MTR: variants seen among roughly 807,000 people sequenced by gnomAD.
MTR encodes the protein 5-methyltetrahydrofolate-homocysteine methyltransferase, also known as methionine synthase.
In MTR, 84 loss-of-function variants were observed where a neutral mutation model predicts 154.8. The observed-to-expected ratio is 0.54, with a 90% CI of 0.45 to 0.65. MTR has a LOEUF of 0.65. Ranked by LOEUF, MTR falls within the 30% of genes least tolerant of loss-of-function variation. MTR has a pLI of 0.00. For missense variants in MTR, 1,275 were observed against 1,570.2 expected (o/e 0.81, Z 3.18); for synonymous variants, 554 against 553.9 (o/e 1.00, Z 0.00).
At chr1:236,891,979 C>A (rs551756979) in intron 29 of MTR, among the ~76,000 whole-genome samples, 27 of 152,156 alleles carry the variant, frequency 1.8e-4, no homozygotes, top group Middle Eastern at 3.4e-3. Flanking sequence ...TTTCGAGTGA[C>A]GAGAACAGAC....
chr1:236,815,524 G>A (rs1227811975), intron 6 of MTR, 80 bp from the exon 7 acceptor site: 2 of 1,363,502 alleles, frequency 1.5e-6, no homozygotes, highest in East Asian at 2.3e-5. Flanking sequence ...CTTAGAAAAG[G>A]GTGCATTCTA....
At chr1:236,808,349 T>C (rs1331402788) in intron 3 of MTR, among the ~76,000 whole-genome samples, 1 of 152,168 alleles carries the variant, frequency 6.6e-6, no homozygotes, top group Non-Finnish European at 1.5e-5. Flanking sequence ...CCTGCGTGTT[T>C]TGCCTCTTAA....
intron 1 of MTR, among the ~76,000 whole-genome samples, chr1:236,796,887 A>G (rs1326720257): frequency 6.6e-6 from 1 of 152,098 alleles, no homozygotes; most frequent in Non-Finnish European, 1.5e-5. Flanking sequence ...TCTTTTACTC[A>G]TGATTTCTGG....
At chr1:236,827,014 T>A in intron 11 of MTR, 118 bp downstream of exon 11, 1 of 895,316 alleles carries the variant, frequency 1.1e-6, no homozygotes, top group Non-Finnish European at 1.8e-6. Flanking sequence ...ATGTTGAAGT[T>A]CTAACCCCTA....
At chr1:236,890,213 C>T (rs1462706002) in intron 28 of MTR, among the ~76,000 whole-genome samples, 2 of 152,096 alleles carry the variant, frequency 1.3e-5, no homozygotes, top group Non-Finnish European at 2.9e-5. Context: ...TAGTCAGGAA[C>T]GTGGTGATGA....
intron 20 of MTR, 133 bp from the exon 21 acceptor site, chr1:236,862,103 G>T: frequency 3.8e-6 from 3 of 781,376 alleles, no homozygotes; most frequent in Non-Finnish European, 7.0e-6. Context: ...TCTGCCTACT[G>T]TCAAAAGACT....
At chr1:236,881,688 G>T (rs930456939) in intron 25 of MTR, among the ~76,000 whole-genome samples, 1 of 152,072 alleles carries the variant, frequency 6.6e-6, no homozygotes, top group Non-Finnish European at 1.5e-5. Context: ...CCTGGACTAG[G>T]GTGACCGCAT....
chr1:236,829,373 G>A (rs1662480639), intron 12 of MTR, 105 bp downstream of exon 12: 4 of 940,690 alleles, frequency 4.3e-6, no homozygotes, highest in South Asian at 1.3e-5. Context: ...TTATTAGGTC[G>A]AAGAAGAATC....
At chr1:236,808,621 CTG>C (rs1288776183) in intron 3 of MTR, 81 bp from the exon 4 acceptor site, 3 of 1,340,206 alleles carry the variant, frequency 2.2e-6, no homozygotes, top group Non-Finnish European at 3.2e-6. Context: ...CTGAAGAAAA[CTG>C]AGTATTAGAT....
chr1:236,855,047 A>C (rs1289419184), intron 18 of MTR, among the ~76,000 whole-genome samples: 1 of 152,190 alleles, frequency 6.6e-6, no homozygotes, highest in Non-Finnish European at 1.5e-5. Flanking sequence ...ATTAATAACC[A>C]AAACAGGTAT....
At chr1:236,825,830 C>G (rs953572081) in intron 10 of MTR, among the ~76,000 whole-genome samples, 7 of 152,220 alleles carry the variant, frequency 4.6e-5, no homozygotes, top group Admixed American at 2.0e-4. Flanking sequence ...ACCATACTAT[C>G]CACTGCTGCT....
chr1:236,839,304 C>T (rs546225264), intron 15 of MTR, among the ~76,000 whole-genome samples: 4 of 152,082 alleles, frequency 2.6e-5, no homozygotes, highest in South Asian at 4.1e-4. Context: ...ATTCCTAATA[C>T]GCAAAGAGTT....
chr1:236,803,646 A>G lies in MTR; in HGVS notation c.249+4A>G, dbSNP rs1355363519. ...TGTCATTTACCAAATCCATAAGGTA[A>G]AGTATTCCCAGGTTCCCATGTGTAT... On this transcript the variant is annotated splice_donor_region_variant and intron_variant, in intron 2 of 32. Coordinates refer to ENST00000366577, the MANE Select transcript of MTR (RefSeq NM_000254.3). 1.2e-6 allele frequency: 2 copies of G among 1,612,596 alleles called. No individual in the cohort carries two copies. The highest frequency in any genetic ancestry group is 1.3e-5 in the African/African-American group (1 of 75,048).
intron 32 of MTR, among the ~76,000 whole-genome samples, chr1:236,897,323 C>CACACACACACACAG: frequency 6.8e-6 from 1 of 146,416 alleles, no homozygotes; most frequent in Admixed American, 6.7e-5. Context: ...CACACACACA[C>CACACACACACACAG]ACACACACAC....
At chr1:236,850,624 G>A in intron 16 of MTR, 101 bp downstream of exon 16, 1 of 1,078,978 alleles carries the variant, frequency 9.3e-7, no homozygotes, top group African/African-American at 1.6e-5. Context: ...CTGATGAAAT[G>A]TTAACATTCT....
chr1:236,819,808 T>A, intron 8 of MTR: 4 of 761,692 alleles, frequency 5.3e-6, no homozygotes, highest in Non-Finnish European at 9.6e-6. Flanking sequence ...TGGGAGAAGC[T>A]ACAGCTGGCG....
chr1:236,825,137 G>C (rs372386864), intron 9 of MTR, among the ~76,000 whole-genome samples: 1 of 63,344 alleles, frequency 1.6e-5, no homozygotes, highest in Non-Finnish European at 3.2e-5. Context: ...ATTTTCCTCT[G>C]TGATTTTTTT....
intron 15 of MTR, among the ~76,000 whole-genome samples, chr1:236,839,174 T>A (rs1265746837): frequency 6.6e-6 from 1 of 152,210 alleles, no homozygotes; most frequent in African/African-American, 2.4e-5. Context: ...AAGTATTCAA[T>A]AAATGCTGTT....
intron 15 of MTR, among the ~76,000 whole-genome samples, chr1:236,847,754 A>G (rs1469361015): frequency 6.6e-6 from 1 of 152,208 alleles, no homozygotes. Context: ...AGGTGTTACT[A>G]TTATAAAAAA....
Sources: gnomAD v4.1 joint callset for allele counts (sites outside exome capture counted in the v4.1 genomes callset) on GRCh38, gnomAD v4.1.1 for gene constraint, MANE v1.5 for transcripts, NCBI Gene and HGNC (gene_info 2026-07-23, HGNC 2026-07-21) for gene names.